The following WDR11 variants were observed in gnomAD, a reference collection of about 807,000 sequenced individuals.
WDR11 encodes the protein WD repeat-containing protein 11.
WDR11 carries 83 observed loss-of-function variants against 151.2 expected under a neutral mutation model. The ratio of observed to expected loss-of-function variants is 0.55; its 90% CI spans 0.46 to 0.66. The LOEUF is 0.66. Among genes scored for constraint, WDR11 ranks in the 30% least tolerant of loss-of-function variants. The pLI is 0.00. For synonymous variants in WDR11, 484 were observed against 533.1 expected, an observed-to-expected ratio of 0.91 and a Z score of 1.27; for missense variants, 1,301 against 1,480.9, an observed-to-expected ratio of 0.88 and a Z score of 1.99.
chr10:120,907,913 G>A (rs991238387), intron 28 of WDR11: 1 of 152,516 alleles, frequency 6.6e-6, no homozygotes, highest in Non-Finnish European at 1.5e-5. Context: ...AAAGTGCTGA[G>A]ATTACAGGCA....
At chr10:120,882,714 T>C (rs1847061616) in intron 13 of WDR11, among the ~76,000 whole-genome samples, 1 of 152,064 alleles carries the variant, frequency 6.6e-6, no homozygotes, top group Admixed American at 6.5e-5. Flanking sequence ...TTCCCACTCC[T>C]AATATCAGTA....
At chr10:120,901,210 C>T in intron 21 of WDR11, 112 bp downstream of exon 21, 1 of 946,660 alleles carries the variant, frequency 1.1e-6, no homozygotes, top group South Asian at 1.4e-5. Flanking sequence ...ATATTAGTGG[C>T]CCAAGAAGAG....
rs2133718406 is a variant in WDR11 at position 120,852,504 on chromosome 10, T to C, written c.87-20T>C. ...CCTGCTTTGTTCTGTACTTAAACTT[T>C]AACATTACTGTTTTGCTAGGGGCTG... On this transcript the variant is annotated intron_variant, in intron 1 of 28. Coordinates refer to ENST00000263461, the MANE Select transcript of WDR11 (RefSeq NM_018117.12). 2 of 1,609,188 alleles carry C rather than the reference T, an allele frequency of 1.2e-6. No individual in the cohort carries two copies. Among genetic ancestry groups the C allele is most frequent in the Non-Finnish European group, 1.7e-6 (2 of 1,175,686 alleles).
At chr10:120,857,273 T>C (rs1300479582) in intron 2 of WDR11, among the ~76,000 whole-genome samples, 1 of 152,188 alleles carries the variant, frequency 6.6e-6, no homozygotes, top group African/African-American at 2.4e-5. Context: ...AAGCAAGAAT[T>C]CTTGTTTGAC....
At chr10:120,862,158 T>TG (rs1283117914) in intron 4 of WDR11, among the ~76,000 whole-genome samples, 2 of 151,836 alleles carry the variant, frequency 1.3e-5, no homozygotes, top group Non-Finnish European at 2.9e-5. Context: ...TTTTTTTTTT[T>TG]GAGATGGAAT....
intron 4 of WDR11, among the ~76,000 whole-genome samples, chr10:120,861,872 C>T (rs17101001): frequency 0.3 from 46,055 of 151,958 alleles, 7,374 homozygotes; most frequent in East Asian, 0.42. Context: ...GTTTCATGTA[C>T]ACTTAGTAAG....
In WDR11 at chr10:120,905,864, C is replaced by T. The variant is rs185633214; in HGVS notation, c.3292-12C>T. ...AGGATGTTTTTGTTGTTAACACAGGCGTCTTTCTCAGGTCCGTTTGAATCC... is the reference window on the plus strand; with the variant it reads ...AGGATGTTTTTGTTGTTAACACAGGTGTCTTTCTCAGGTCCGTTTGAATCC... On this transcript the variant is annotated splice_polypyrimidine_tract_variant and intron_variant, in intron 26 of 28. Coordinates refer to ENST00000263461, the MANE Select transcript of WDR11 (RefSeq NM_018117.12). The T allele has an allele frequency of 1.3e-4, 213 of 1,614,132 alleles. No individual in the cohort carries two copies. In the Middle Eastern group the frequency reaches 1.3e-3, roughly 10 times the overall value.
chr10:120,886,925 C>T, intron 16 of WDR11, 89 bp downstream of exon 16: 2 of 1,408,320 alleles, frequency 1.4e-6, no homozygotes, highest in South Asian at 1.2e-5. Flanking sequence ...TTGGAAACTT[C>T]AGAAAAGCCT....
intron 2 of WDR11, 86 bp downstream of exon 2, chr10:120,852,721 G>C: frequency 8.6e-7 from 1 of 1,162,264 alleles, no homozygotes; most frequent in Admixed American, 1.9e-5. Context: ...TAAGTCTTAC[G>C]TGTAAGTGTT....
At chr10:120,885,585 A>T (rs1357933025) in intron 14 of WDR11, among the ~76,000 whole-genome samples, 1 of 152,168 alleles carries the variant, frequency 6.6e-6, no homozygotes, top group Non-Finnish European at 1.5e-5. Context: ...TAAGTATTTT[A>T]TAAAAACATC....
rs1300089213 is a variant in WDR11, at chr10:120,858,752, G to A, written c.308G>A (p.Gly103Glu). ...GKIIVWDVAAGVAQCEIQEHA... is the reference protein window; with the variant it reads ...GKIIVWDVAAEVAQCEIQEHA... ...ATCATCGTCTGGGATGTAGCAGCAG[G>A]AGTAGCTCAGTGTGAGATCCAAGAG... Residue 103 changes from glycine to glutamate, a missense_variant, in exon 3 of 29, where the codon GGA (glycine) becomes GAA (glutamate). Gly to Glu is a moderately conservative substitution (Grantham distance 98, BLOSUM62 -2). Coordinates refer to ENST00000263461, the MANE Select transcript of WDR11 (RefSeq NM_018117.12). 3 of 1,614,070 alleles carry A rather than the reference G, an allele frequency of 1.9e-6. No individual in the cohort carries two copies. The highest frequency in any genetic ancestry group is 1.6e-4 in the Middle Eastern group (1 of 6,082).
At chr10:120,899,346 A>G (rs768467587) in intron 19 of WDR11, among the ~76,000 whole-genome samples, 12 of 152,188 alleles carry the variant, frequency 7.9e-5, no homozygotes, top group Admixed American at 3.3e-4. Context: ...AGTCTCGGAA[A>G]AACAAAAGTA....
chr10:120,902,029 A>C lies in WDR11; in HGVS notation c.2688-228A>C, dbSNP rs181674084. 3.3e-3 allele frequency among the ~76,000 whole-genome samples: 507 copies of C among 152,356 alleles called. 2 individuals carry two copies. The highest frequency in any genetic ancestry group is 5.5e-3 in the Non-Finnish European group (371 of 68,036). On this transcript the variant is annotated intron_variant, in intron 21 of 28. Transcript: ENST00000263461. ...TATAAACCAGAAATGAGAGCGCTGC[A>C]GCTCCCTGTGGTGGCTGAAAGCTGC...
At chr10:120,877,842 A>G (rs1391276734) in intron 11 of WDR11, among the ~76,000 whole-genome samples, 1 of 152,234 alleles carries the variant, frequency 6.6e-6, no homozygotes, top group African/African-American at 2.4e-5. Flanking sequence ...CAGATAGCAC[A>G]AAGTGTGTGT....
chr10:120,897,969 T>A (rs562386074), intron 19 of WDR11, among the ~76,000 whole-genome samples: 1 of 152,334 alleles, frequency 6.6e-6, no homozygotes, highest in South Asian at 2.1e-4. Context: ...ATATTTTGTG[T>A]ATAATTTAAT....
At chr10:120,905,778 C>T in intron 26 of WDR11, 98 bp from the exon 27 acceptor site, 3 of 1,605,834 alleles carry the variant, frequency 1.9e-6, no homozygotes, top group Non-Finnish European at 2.6e-6. Flanking sequence ...AGAGCATAGC[C>T]TGTATTTCAT....
intron 1 of WDR11, chr10:120,851,736 T>C (rs1845782119): frequency 1.6e-6 from 1 of 607,086 alleles, no homozygotes. Context: ...TTCTCGCGTA[T>C]TTCTCTGCTG....
intron 13 of WDR11, among the ~76,000 whole-genome samples, chr10:120,882,418 C>CT (rs1275028814): frequency 3.3e-5 from 5 of 149,690 alleles, no homozygotes; most frequent in Admixed American, 1.3e-4. Flanking sequence ...ATTCTCTCTC[C>CT]TTTTTTTTTG....
chr10:120,903,289 T>G (rs1847900072), intron 23 of WDR11, 57 bp downstream of exon 23: 1 of 1,592,996 alleles, frequency 6.3e-7, no homozygotes, highest in Non-Finnish European at 8.6e-7. Context: ...ACTTATATCT[T>G]TGTCAATATC....
Sources: gnomAD v4.1 joint callset for allele counts (sites outside exome capture counted in the v4.1 genomes callset) on GRCh38, gnomAD v4.1.1 for gene constraint, MANE v1.5 for transcripts, NCBI Gene and HGNC (gene_info 2026-07-23, HGNC 2026-07-21) for gene names.